The following XPO1 variants were observed in gnomAD, a reference collection of about 807,000 sequenced individuals.
The protein encoded by XPO1 is exportin-1.
XPO1 carries 5 observed loss-of-function variants against 133.3 expected under a neutral mutation model. The observed-to-expected ratio is 0.04, with a 90% CI of 0.02 to 0.08. The LOEUF is 0.08. Ranked by LOEUF, XPO1 falls within the 10% of genes least tolerant of loss-of-function variation. XPO1 has a pLI of 1.00. For missense variants in XPO1, 506 were observed against 1,267.5 expected (o/e 0.40, Z 9.12); for synonymous variants, 419 against 408.2 (o/e 1.03, Z -0.32).
chr2:61,507,091 A>G (rs1697859743), intron 4 of XPO1, among the ~76,000 whole-genome samples: 1 of 151,718 alleles, frequency 6.6e-6, no homozygotes. Flanking sequence ...ATAAAAACAA[A>G]AAAATTTAGC....
intron 4 of XPO1, among the ~76,000 whole-genome samples, chr2:61,517,164 G>A (rs919519728): frequency 2.6e-5 from 4 of 152,146 alleles, no homozygotes; most frequent in Admixed American, 2.0e-4. Flanking sequence ...GCCTCCCAAA[G>A]TGCTGGGATT....
intron 24 of XPO1, chr2:61,480,162 G>C (rs1696270703): frequency 1.3e-5 from 2 of 151,994 alleles, no homozygotes; most frequent in Non-Finnish European, 2.9e-5. Flanking sequence ...ACTGTGCCCA[G>C]CTAAAAATTC....
intron 23 of XPO1, among the ~76,000 whole-genome samples, chr2:61,482,054 T>TTTTTTTTTTTTTTTTTG (rs1696397926): frequency 4.4e-5 from 1 of 22,742 alleles, no homozygotes; most frequent in Non-Finnish European, 8.4e-5. Context: ...TTTTTTTTTT[T>TTTTTTTTTTTTTTTTTG]TTTGCTTTTT....
At chr2:61,502,198 A>G (rs369397996) in intron 5 of XPO1, 51 bp downstream of exon 5, 213 of 1,590,214 alleles carry the variant, frequency 1.3e-4, no homozygotes, top group African/African-American at 8.4e-4. Flanking sequence ...GTCAGACTCA[A>G]TATCTAAATG....
rs749712010 is a variant in XPO1 at position 61,492,167 on chromosome 2, A to G, written c.1755T>C (p.Cys585=). 6.8e-6 allele frequency: 11 copies of G among 1,614,216 alleles called. No homozygotes were observed. Among genetic ancestry groups the G allele is most frequent in the South Asian group, 4.4e-5 (4 of 91,084 alleles). Residue 585 remains cysteine (C), a synonymous_variant, in exon 16 of 25, where the codon TGT becomes TGC. Transcript: ENST00000401558. This position sits in a 1 kb window ranked among gnomAD's most constrained non-coding sequence, Gnocchi z 5.6. ...TTTGGGCTATTTTAATGAAAGTATC[A>G]CAAGCCATATCCTGGACTCCATCAT... ...ETHDGVQDMA[C]DTFIKIAQKC... is the part of the protein sequence containing the mutation.
At chr2:61,484,143 G>T in intron 20 of XPO1, 38 bp from the exon 21 acceptor site, 1 of 1,562,438 alleles carries the variant, frequency 6.4e-7, no homozygotes, top group Non-Finnish European at 8.8e-7. Context: ...ATGTTTCAGT[G>T]TCTTTGTTGT....
chr2:61,525,407 AAT>A, intron 3 of XPO1: 1 of 995,626 alleles, frequency 1.0e-6, no homozygotes, highest in Non-Finnish European at 1.2e-6. Flanking sequence ...AAGAAAAAAA[AAT>A]GATTGCATAA....
Position 61,478,736 on chromosome 2 carries a change from G to A in XPO1, c.*84C>T. ...AGGTGACATTTTAATTTACAAATTG[G>A]CATCATTTTGGTCGACAAATACCCA... On this transcript the variant is annotated 3_prime_UTR_variant, in exon 25 of 25. Coordinates refer to ENST00000401558, the MANE Select transcript of XPO1 (RefSeq NM_003400.4). The A allele has an allele frequency of 7.1e-7, 1 of 1,405,952 alleles. No individual in the cohort carries two copies. The highest frequency in any genetic ancestry group is 9.6e-7 in the Non-Finnish European group (1 of 1,043,976). 87.1% of individuals were successfully genotyped at this position (1,405,952 alleles called of 1,614,324 possible). A position where few individuals can be genotyped will look rare whatever the true frequency, so the allele number is the denominator to read the frequency against.
At chr2:61,498,566 T>C in intron 9 of XPO1, 107 bp downstream of exon 9, 1 of 1,429,954 alleles carries the variant, frequency 7.0e-7, no homozygotes, top group Non-Finnish European at 9.4e-7. Context: ...GTCCTCGTGT[T>C]AGAAACAAGG....
chr2:61,479,883 G>C (rs1696252267), intron 24 of XPO1, among the ~76,000 whole-genome samples: 1 of 151,854 alleles, frequency 6.6e-6, no homozygotes, highest in South Asian at 2.1e-4. Context: ...CTTTTCTTTT[G>C]AGAGGCAGTC....
At chr2:61,481,003 G>A (rs1696321404) in intron 24 of XPO1, among the ~76,000 whole-genome samples, 182 bp downstream of exon 24, 1 of 151,994 alleles carries the variant, frequency 6.6e-6, no homozygotes, top group Admixed American at 6.6e-5. Context: ...TATCCTTATT[G>A]GACTTTAGTT....
chr2:61,504,588 G>A (rs567528831), intron 4 of XPO1, among the ~76,000 whole-genome samples: 1 of 152,134 alleles, frequency 6.6e-6, no homozygotes, highest in Non-Finnish European at 1.5e-5. Flanking sequence ...AGGTTGTAGA[G>A]CTGTATGTTC....
intron 17 of XPO1, among the ~76,000 whole-genome samples, chr2:61,489,572 T>TG (rs1696865868): frequency 6.6e-6 from 1 of 151,276 alleles, no homozygotes; most frequent in South Asian, 2.1e-4. Context: ...TTTTTTTTTT[T>TG]GGGACGGAGT....
upstream of XPO1, chr2:61,538,566 T>C (rs1374215593): frequency 6.6e-6 from 1 of 150,958 alleles, no homozygotes; most frequent in Non-Finnish European, 1.5e-5. Flanking sequence ...AGGAGAGGGG[T>C]GGAGGAGGAG....
At chr2:61,528,557 CAGG>C (rs1300221443) in intron 2 of XPO1, among the ~76,000 whole-genome samples, 1 of 150,518 alleles carries the variant, frequency 6.6e-6, no homozygotes, top group Non-Finnish European at 1.5e-5. Flanking sequence ...CGCTTGAATC[CAGG>C]AGCGGAGGTT....
intron 1 of XPO1, chr2:61,536,367 G>A (rs932438227): frequency 6.6e-6 from 1 of 152,246 alleles, no homozygotes; most frequent in Non-Finnish European, 1.5e-5. Context: ...TGCGAGAGGT[G>A]TAACCACGAA....
chr2:61,535,546 T>C (rs779800952), intron 1 of XPO1, among the ~76,000 whole-genome samples: 58 of 152,222 alleles, frequency 3.8e-4, no homozygotes, highest in Admixed American at 1.6e-3. Flanking sequence ...CTTAAAAATG[T>C]CCATAACAAT....
At chr2:61,534,958 T>C (rs1699298722) in intron 1 of XPO1, among the ~76,000 whole-genome samples, 1 of 152,228 alleles carries the variant, frequency 6.6e-6, no homozygotes, top group African/African-American at 2.4e-5. Flanking sequence ...CCTAACAAGA[T>C]TTTTTAAATT....
At position 61,482,059 on chromosome 2, in the gene XPO1, C is replaced by CTTTTTTTTTTTTTTTTTTTTTT. The variant is rs1273871116; in HGVS notation, c.2972+320_2972+321insAAAAAAAAAAAAAAAAAAAAAA. 4.5e-3 allele frequency among the ~76,000 whole-genome samples: 186 copies of CTTTTTTTTTTTTTTTTTTTTTT among 41,050 alleles called. 1 individual carries two copies. Among genetic ancestry groups the CTTTTTTTTTTTTTTTTTTTTTT allele is most frequent in the Non-Finnish European group, 5.4e-3 (124 of 22,782 alleles). 26.9% of individuals were successfully genotyped at this position (41,050 alleles called of 152,430 possible). ...CTTTTTTTTTTTTTTTTTTTTTTTG[C>CTTTTTTTTTTTTTTTTTTTTTT]TTTTTTAAAGAGGCAGGGTCTCACT... On this transcript the variant is annotated intron_variant, in intron 23 of 24. Transcript: ENST00000401558.
Sources: allele counts gnomAD v4.1 joint callset (sites outside exome capture counted in the v4.1 genomes callset), GRCh38; gene constraint gnomAD v4.1.1; non-coding constraint Gnocchi (gnomAD v3.1); transcripts MANE v1.5; gene names NCBI Gene and HGNC (gene_info 2026-07-23, HGNC 2026-07-21).